PIGF: variants seen among roughly 807,000 people sequenced by gnomAD.
The protein encoded by PIGF is GPI ethanolamine phosphate transferase, stabilizing subunit.
Under a neutral mutation model 26.0 loss-of-function variants are expected in PIGF, and 23 were observed. That is an observed-to-expected ratio of 0.88 (90% CI 0.64 to 1.25). The LOEUF (loss-of-function observed/expected upper bound fraction) is 1.25, where lower values mean the gene tolerates loss of function less well. Ranked by LOEUF, PIGF falls within the 50% of genes most tolerant of loss-of-function variation. The pLI, the probability that PIGF is intolerant of heterozygous loss-of-function variation, is 0.00. For synonymous variants in PIGF, 93 were observed against 92.6 expected, an observed-to-expected ratio of 1.00 and a Z score of -0.03; for missense variants, 278 against 249.9, an observed-to-expected ratio of 1.11 and a Z score of -0.76.
At chr2:46,591,525 T>G in intron 5 of PIGF, 1 of 891,578 alleles carries the variant, frequency 1.1e-6, no homozygotes, top group Non-Finnish European at 1.3e-6. Context: ...TTTTTGGGAG[T>G]AATTACTCTG....
Position 46,592,486 on chromosome 2 carries a change from T to C in PIGF, c.535A>G (p.Arg179Gly). The change falls in exon 5 of 6, where the codon AGA (arginine) becomes GGA (glycine). Residue 179 changes from arginine to glycine, a missense_variant. By Grantham distance (125) the Arg-to-Gly change is moderately radical. Transcript: ENST00000281382. The part of the protein sequence containing the change: ...GALPIPLDWE[R>G]PWQVWPISCT... Reference sequence around the variant, plus strand: ...TAACTGAAACCAACCTGCCATGGTCTTTCCCAATCCAGTGGAATAGGAAGT... The same window carrying C: ...TAACTGAAACCAACCTGCCATGGTCCTTCCCAATCCAGTGGAATAGGAAGT... 1 of 1,582,670 alleles carries C rather than the reference T, an allele frequency of 6.3e-7. No individual in the cohort carries two copies. The highest frequency in any genetic ancestry group is 8.7e-7 in the Non-Finnish European group (1 of 1,151,094).
intron 5 of PIGF, among the ~76,000 whole-genome samples, chr2:46,587,586 T>C (rs1042437452): frequency 5.3e-5 from 8 of 152,208 alleles, no homozygotes; most frequent in African/African-American, 1.9e-4. Flanking sequence ...CCAAATTCAG[T>C]TATTTAAAAT....
chr2:46,612,768 T>A (rs1164940919), intron 3 of PIGF, among the ~76,000 whole-genome samples: 1 of 152,150 alleles, frequency 6.6e-6, no homozygotes, highest in Non-Finnish European at 1.5e-5. Flanking sequence ...GTGGTTAACA[T>A]ATATTGGAAA....
rs148661288 is a variant in PIGF at position 46,592,564 on chromosome 2, T to G, written c.457A>C (p.Asn153His). 6.3e-7 allele frequency: 1 copy of G among 1,592,294 alleles called. No individual in the cohort carries two copies. Among genetic ancestry groups the G allele is most frequent in the Non-Finnish European group, 8.6e-7 (1 of 1,160,140 alleles). Residue 153 changes from asparagine (N) to histidine (H), a missense_variant, in exon 5 of 6, where the codon AAT (asparagine) becomes CAT (histidine). Asn to His is a moderately conservative substitution (Grantham distance 68). Transcript: ENST00000281382. ...SRNGVTSIWENSLQITTISSF... is the reference protein window; with the variant it reads ...SRNGVTSIWEHSLQITTISSF... ...GAAATTGTAGTGATCTGGAGACTAT[T>G]CTCCCATATGGATGTAACTCTGTGA...
intron 4 of PIGF, among the ~76,000 whole-genome samples, chr2:46,601,403 A>C (rs748980023): frequency 1.3e-5 from 2 of 152,134 alleles, no homozygotes; most frequent in African/African-American, 2.4e-5. Flanking sequence ...TTGAGTGCCT[A>C]CTACGTGCCA....
chr2:46,594,133 G>C (rs1008767591), intron 4 of PIGF, among the ~76,000 whole-genome samples: 11 of 152,194 alleles, frequency 7.2e-5, no homozygotes, highest in African/African-American at 2.7e-4. Context: ...TCCAATGTTG[G>C]AAGGAAAAAC....
In PIGF at chr2:46,615,161, T is replaced by C. The variant is rs1428720278; in HGVS notation, c.4A>G (p.Lys2Glu). The C allele has an allele frequency of 2.0e-5, 29 of 1,448,530 alleles. No individual in the cohort carries two copies. The highest frequency in any genetic ancestry group is 2.2e-5 in the Non-Finnish European group (23 of 1,033,768). 89.7% of individuals were successfully genotyped at this position (1,448,530 alleles called of 1,614,324 possible). A position where few individuals can be genotyped will look rare whatever the true frequency, so the allele number is the denominator to read the frequency against. Reference protein sequence around the residue: MKDNDIKRLLYT... With the variant: MEDNDIKRLLYT... ...AGTAGTCTCTTGATATCGTTATCTT[T>C]CATGGTGTTTTCTTGGATGGCTAGC... is the stretch of plus-strand genomic sequence containing the variant. The change falls in exon 2 of 6, where the codon AAA becomes GAA. Residue 2 changes from lysine to glutamate, a missense_variant. By Grantham distance (56) the Lys-to-Glu change is moderately conservative. Coordinates refer to ENST00000281382, the MANE Select transcript of PIGF (RefSeq NM_002643.4).
Position 46,591,994 on chromosome 2 carries a change from C to T in PIGF, c.546+481G>A, listed in dbSNP as rs189023792. On this transcript the variant is annotated intron_variant, in intron 5 of 5. Coordinates refer to ENST00000281382, the MANE Select transcript of PIGF (RefSeq NM_002643.4). ...TTCAGAAAATATGAATATAAGACCA[C>T]AAGGGCAATAAATATCAAAGTTGAA... The T allele has an allele frequency of 1.1e-4, 142 of 1,290,744 alleles. No individual in the cohort carries two copies. In the African/African-American group the frequency reaches 1.8e-3, roughly 17 times the overall value. 80.0% of individuals were successfully genotyped at this position (1,290,744 alleles called of 1,614,324 possible).
At position 46,588,682 on chromosome 2, in the gene PIGF, A is replaced by G. The variant is rs1433318856; in HGVS notation, c.546+3793T>C. ...TTTCTTAACCTTCCACTAATTTTTT[A>G]TAACATGAAATACTAGCCATGTTTT... On this transcript the variant is annotated intron_variant, in intron 5 of 5. Coordinates refer to ENST00000281382, the MANE Select transcript of PIGF (RefSeq NM_002643.4). The surrounding 1 kb of genome is among the most constrained non-coding windows in gnomAD (Gnocchi z 4.1). 6.6e-6 allele frequency: 1 copy of G among 152,296 alleles called. No homozygotes were observed. Among genetic ancestry groups the G allele is most frequent in the Non-Finnish European group, 1.5e-5 (1 of 68,080 alleles). The allele number at this position is 152,296 out of a possible 1,614,324, so 9.4% of individuals were successfully genotyped here. A position where few individuals can be genotyped will look rare whatever the true frequency, so the allele number is the denominator to read the frequency against.
At chr2:46,613,356 A>G (rs1670487837) in intron 3 of PIGF, among the ~76,000 whole-genome samples, 1 of 152,172 alleles carries the variant, frequency 6.6e-6, no homozygotes, top group Non-Finnish European at 1.5e-5. Flanking sequence ...CACATTTATA[A>G]GAACTGATAT....
At chr2:46,581,727 C>G in intron 5 of PIGF, 136 bp from the exon 6 acceptor site, 1 of 1,250,656 alleles carries the variant, frequency 8.0e-7, no homozygotes, top group Middle Eastern at 3.0e-4. Flanking sequence ...AAGGTCATAA[C>G]TGCATTTATC....
At chr2:46,586,532 A>T (rs1669577534) in intron 5 of PIGF, among the ~76,000 whole-genome samples, 1 of 152,218 alleles carries the variant, frequency 6.6e-6, no homozygotes, top group Non-Finnish European at 1.5e-5. Flanking sequence ...GAACACCTAC[A>T]GACATTTAGA....
intron 1 of PIGF, 146 bp downstream of exon 1, chr2:46,616,824 C>A (rs1489032054): frequency 4.1e-6 from 1 of 245,634 alleles, no homozygotes; most frequent in African/African-American, 2.3e-5. Flanking sequence ...GGGGGTCTGT[C>A]CATCAGGGCA....
intron 5 of PIGF, among the ~76,000 whole-genome samples, chr2:46,585,064 A>G (rs1438143396): frequency 3.3e-5 from 5 of 152,228 alleles, no homozygotes; most frequent in African/African-American, 1.2e-4. Context: ...AACGTTCTTC[A>G]TGCCACAAAT....
intron 4 of PIGF, among the ~76,000 whole-genome samples, chr2:46,609,632 C>G (rs896946530): frequency 1.3e-5 from 2 of 151,642 alleles, no homozygotes; most frequent in African/African-American, 4.8e-5. Flanking sequence ...CTTAAGAGAC[C>G]ATAGTATGGT....
chr2:46,611,962 CT>C (rs34521428), intron 4 of PIGF, among the ~76,000 whole-genome samples: 41,760 of 147,076 alleles, frequency 0.28, 6,153 homozygotes, highest in Admixed American at 0.35. Context: ...TCTTCTTCTT[CT>C]TTTTTTTTTT....
At chr2:46,596,364 C>A (rs75518660) in intron 4 of PIGF, among the ~76,000 whole-genome samples, 1,774 of 152,164 alleles carry the variant, frequency 0.012, 37 homozygotes, top group African/African-American at 0.041. Context: ...AAAATATGAT[C>A]ATCCAAGAGG....
intron 4 of PIGF, among the ~76,000 whole-genome samples, chr2:46,611,536 C>T (rs1056235689): frequency 6.6e-6 from 1 of 151,744 alleles, no homozygotes; most frequent in South Asian, 2.1e-4. Context: ...CACAGCTTAG[C>T]ATAACACAAT....
intron 4 of PIGF, 117 bp downstream of exon 4, chr2:46,612,111 G>C: frequency 2.5e-6 from 1 of 396,816 alleles, no homozygotes; most frequent in African/African-American, 2.1e-5. Context: ...AGGCATCTCT[G>C]AGCACCATCA....
Sources: allele counts gnomAD v4.1 joint callset (sites outside exome capture counted in the v4.1 genomes callset), GRCh38; gene constraint gnomAD v4.1.1; non-coding constraint Gnocchi (gnomAD v3.1); transcripts MANE v1.5; gene names NCBI Gene and HGNC (gene_info 2026-07-23, HGNC 2026-07-21).